The following TTC29 variants were observed in gnomAD, a reference collection of about 807,000 sequenced individuals.
The protein encoded by TTC29 is tetratricopeptide repeat domain 29.
TTC29 carries 49 observed loss-of-function variants against 58.1 expected under a neutral mutation model. That is an observed-to-expected ratio of 0.84 (90% CI 0.67 to 1.07). The LOEUF is 1.07. Among genes scored for constraint, TTC29 ranks in the 50% least tolerant of loss-of-function variants. TTC29 has a pLI of 0.00. For synonymous variants in TTC29, 209 were observed against 196.8 expected, an observed-to-expected ratio of 1.06 and a Z score of -0.52; for missense variants, 582 against 555.6, an observed-to-expected ratio of 1.05 and a Z score of -0.48.
intron 4 of TTC29, among the ~76,000 whole-genome samples, chr4:146,921,561 AAAATT>A (rs1734582685): frequency 6.6e-6 from 1 of 151,266 alleles, no homozygotes; most frequent in African/African-American, 2.4e-5. Context: ...CAGGCAGAAA[AAAATT>A]AAAGGAGCAT....
chr4:146,863,592 A>G (rs534045820), intron 8 of TTC29, among the ~76,000 whole-genome samples: 1 of 152,328 alleles, frequency 6.6e-6, no homozygotes, highest in East Asian at 1.9e-4. Flanking sequence ...AAATAACAGA[A>G]ATGCATTTCT....
At chr4:146,888,232 G>C (rs1158904290) in intron 6 of TTC29, among the ~76,000 whole-genome samples, 1 of 152,100 alleles carries the variant, frequency 6.6e-6, no homozygotes, top group East Asian at 1.9e-4. Flanking sequence ...CCTCTACGTA[G>C]AACTACAGAG....
chr4:146,795,815 GAGAGGATCATTTTGCTTCC>G (rs1048023668), intron 11 of TTC29, among the ~76,000 whole-genome samples: 1 of 152,146 alleles, frequency 6.6e-6, no homozygotes, highest in African/African-American at 2.4e-5. Context: ...ATACACATAG[GAGAGGATCATTTTGCTTCC>G]AAATTCTAGC....
At chr4:146,897,251 G>C (rs1732829210) in intron 6 of TTC29, among the ~76,000 whole-genome samples, 1 of 152,122 alleles carries the variant, frequency 6.6e-6, no homozygotes, top group Non-Finnish European at 1.5e-5. Flanking sequence ...GACCTGAGAG[G>C]TAGGGGTTAA....
At chr4:146,795,421 T>C (rs1012092881) in intron 11 of TTC29, among the ~76,000 whole-genome samples, 1 of 152,074 alleles carries the variant, frequency 6.6e-6, no homozygotes, top group Non-Finnish European at 1.5e-5. Context: ...CCAGACATCA[T>C]CCACCAGAAG....
chr4:146,811,579 C>T (rs1751026939), intron 10 of TTC29, among the ~76,000 whole-genome samples: 1 of 152,166 alleles, frequency 6.6e-6, no homozygotes, highest in African/African-American at 2.4e-5. Context: ...TGAACAGAAA[C>T]CCTTACATGG....
At chr4:146,749,397 T>C (rs1213684478) in intron 11 of TTC29, among the ~76,000 whole-genome samples, 1 of 151,414 alleles carries the variant, frequency 6.6e-6, no homozygotes, top group Admixed American at 6.6e-5. Flanking sequence ...AATAAAGAGA[T>C]TCAACAGCAG....
chr4:146,787,531 G>GT (rs766137136), intron 11 of TTC29, among the ~76,000 whole-genome samples: 1 of 152,128 alleles, frequency 6.6e-6, no homozygotes, highest in Non-Finnish European at 1.5e-5. Context: ...GCGTGCTTAG[G>GT]TTTTCTCCTG....
At chr4:146,735,364 A>C (rs1244526555) in intron 11 of TTC29, among the ~76,000 whole-genome samples, 1 of 152,150 alleles carries the variant, frequency 6.6e-6, no homozygotes, top group Non-Finnish European at 1.5e-5. Flanking sequence ...ACCTTTACTA[A>C]AATGGATTAT....
At position 146,820,223 on chromosome 4, in the gene TTC29, T is replaced by C. The variant is rs772158158; in HGVS notation, c.1003A>G (p.Lys335Glu). ...ATTTTCACAAATTTTTTCAAGTATTTAATTGCTTCTGTCATCTCTCCTTGG... is the reference window on the plus strand; with the variant it reads ...ATTTTCACAAATTTTTTCAAGTATTCAATTGCTTCTGTCATCTCTCCTTGG... ...QSQGEMTEAI[K>E]YLKKFVKIAR... Residue 335 changes from lysine (K) to glutamate (E), a missense_variant, in exon 10 of 13, where the codon AAA becomes GAA. Physicochemically the swap from Lys to Glu is moderately conservative, Grantham distance 56. Coordinates refer to ENST00000325106, the MANE Select transcript of TTC29 (RefSeq NM_031956.4). 6 of 1,612,548 alleles carry C rather than the reference T, an allele frequency of 3.7e-6. No individual in the cohort carries two copies. In the South Asian group the frequency reaches 6.6e-5, roughly 18 times the overall value.
intron 4 of TTC29, among the ~76,000 whole-genome samples, chr4:146,929,093 G>A (rs1735137211): frequency 6.6e-6 from 1 of 151,958 alleles, no homozygotes; most frequent in South Asian, 2.1e-4. Flanking sequence ...TAAACAATTT[G>A]TATTAATTTA....
chr4:146,901,069 T>C (rs1369857545), intron 6 of TTC29, among the ~76,000 whole-genome samples: 4 of 152,216 alleles, frequency 2.6e-5, no homozygotes, highest in Admixed American at 1.3e-4. Flanking sequence ...CAGTTCCATT[T>C]GACAGTCCAG....
chr4:146,887,672 T>G (rs1406433147), intron 6 of TTC29, among the ~76,000 whole-genome samples: 3 of 152,122 alleles, frequency 2.0e-5, no homozygotes, highest in African/African-American at 7.2e-5. Flanking sequence ...TGAACATAAA[T>G]TCTCAACCCA....
intron 11 of TTC29, among the ~76,000 whole-genome samples, chr4:146,727,690 C>T (rs1263916301): frequency 1.3e-5 from 2 of 152,042 alleles, no homozygotes; most frequent in East Asian, 3.9e-4. Context: ...CTTTTTGGTG[C>T]TGAATAATAT....
At chr4:146,822,072 C>G (rs1436470649) in intron 9 of TTC29, among the ~76,000 whole-genome samples, 3 of 141,142 alleles carry the variant, frequency 2.1e-5, no homozygotes, top group African/African-American at 7.9e-5. Context: ...CACCTCTCAA[C>G]TGGGGCTATT....
intron 10 of TTC29, among the ~76,000 whole-genome samples, chr4:146,814,608 C>A (rs1324811693): frequency 8.6e-5 from 13 of 151,852 alleles, no homozygotes; most frequent in African/African-American, 3.1e-4. Context: ...CGCCTGTAGT[C>A]CCAGCTACTC....
At chr4:146,730,098 T>C (rs1388540973) in intron 11 of TTC29, among the ~76,000 whole-genome samples, 4 of 152,164 alleles carry the variant, frequency 2.6e-5, no homozygotes, top group African/African-American at 9.6e-5. Context: ...CATTGGATTT[T>C]CCTTGGTTTT....
chr4:146,874,168 C>T (rs1731106675), intron 7 of TTC29, among the ~76,000 whole-genome samples: 1 of 152,048 alleles, frequency 6.6e-6, no homozygotes, highest in Non-Finnish European at 1.5e-5. Context: ...CCTGAGGATC[C>T]TGCTGCAGTA....
intron 8 of TTC29, among the ~76,000 whole-genome samples, chr4:146,839,052 C>T (rs1332179038): frequency 6.6e-6 from 1 of 151,794 alleles, no homozygotes; most frequent in Non-Finnish European, 1.5e-5. Flanking sequence ...GTTTAAAGAC[C>T]ACTGTAGAGT....
Sources: allele counts gnomAD v4.1 joint callset (sites outside exome capture counted in the v4.1 genomes callset), GRCh38; gene constraint gnomAD v4.1.1; transcripts MANE v1.5; gene names NCBI Gene and HGNC (gene_info 2026-07-23, HGNC 2026-07-21).